The following HS6ST2 variants were observed in gnomAD, a reference collection of about 807,000 sequenced individuals.
The protein encoded by HS6ST2 is heparan sulfate 6-O-sulfotransferase 2.
HS6ST2 carries 17 observed loss-of-function variants against 33.0 expected under a neutral mutation model. The observed-to-expected ratio is 0.52, with a 90% confidence interval of 0.35 to 0.77. The LOEUF (loss-of-function observed/expected upper bound fraction) is 0.77. HS6ST2 is among the 30% of genes least tolerant of loss of function. HS6ST2 has a pLI of 0.01. For synonymous variants in HS6ST2, 248 were observed against 237.1 expected, an observed-to-expected ratio of 1.05 and a Z score of -0.42; for missense variants, 519 against 551.7, an observed-to-expected ratio of 0.94 and a Z score of 0.59.
At chrX:132,715,042 G>A (rs948640754) in intron 2 of HS6ST2, among the ~76,000 whole-genome samples, 30 of 111,878 alleles carry the variant, frequency 2.7e-4, no homozygotes, top group African/African-American at 9.4e-4. Context: ...AAATCATTTC[G>A]GTACCATCCT....
intron 1 of HS6ST2, among the ~76,000 whole-genome samples, chrX:132,957,568 G>C (rs1411660038): frequency 5.5e-5 from 6 of 108,114 alleles, no homozygotes; most frequent in Middle Eastern, 4.7e-3. Context: ...TCCTTCCCGC[G>C]GGCCGTTCGC....
chrX:132,950,828 T>C (rs1210897625), intron 2 of HS6ST2, among the ~76,000 whole-genome samples: 1 of 112,141 alleles, frequency 8.9e-6, no homozygotes, highest in Admixed American at 9.5e-5. Flanking sequence ...GCATATCTTA[T>C]TCTTATGTAA....
chrX:132,704,510 C>T (rs1056849826), intron 3 of HS6ST2, among the ~76,000 whole-genome samples: 5 of 110,537 alleles, frequency 4.5e-5, no homozygotes, highest in African/African-American at 6.6e-5. Context: ...ACTGAGATCG[C>T]GCCATTGAAC....
At chrX:132,713,191 G>A (rs1187670780) in intron 2 of HS6ST2, among the ~76,000 whole-genome samples, 1 of 111,283 alleles carries the variant, frequency 9.0e-6, no homozygotes, top group African/African-American at 3.3e-5. Flanking sequence ...AAACGACATG[G>A]GTAGGTAGGC....
chrX:132,741,417 A>C (rs1321757023), intron 2 of HS6ST2, among the ~76,000 whole-genome samples: 1 of 47,093 alleles, frequency 2.1e-5, no homozygotes, highest in Admixed American at 1.6e-4. Context: ...CTCCTGCCTC[A>C]GCATCCCAAG....
intron 2 of HS6ST2, among the ~76,000 whole-genome samples, chrX:132,827,541 A>C (rs1416137664): frequency 9.0e-6 from 1 of 111,180 alleles, no homozygotes; most frequent in Non-Finnish European, 1.9e-5. Context: ...AAAGAGGCAA[A>C]GAAGAAATGT....
intron 2 of HS6ST2, among the ~76,000 whole-genome samples, chrX:132,856,200 A>G (rs190643433): frequency 2.7e-4 from 30 of 112,292 alleles, no homozygotes; most frequent in African/African-American, 8.7e-4. Context: ...GGTCACTCAC[A>G]GTCAGGAAAT....
intron 2 of HS6ST2, among the ~76,000 whole-genome samples, chrX:132,818,932 G>A (rs2065423138): frequency 8.9e-6 from 1 of 111,825 alleles, no homozygotes; most frequent in Non-Finnish European, 1.9e-5. Flanking sequence ...TTCTATTGCT[G>A]ATTCTGACAG....
intron 2 of HS6ST2, among the ~76,000 whole-genome samples, chrX:132,953,885 A>G (rs1167630875): frequency 8.9e-6 from 1 of 112,352 alleles, no homozygotes; most frequent in Non-Finnish European, 1.9e-5. Context: ...CTTTGTGGGA[A>G]TGACTAACTC....
chrX:132,928,119 C>T (rs1168045681), intron 2 of HS6ST2, among the ~76,000 whole-genome samples: 8 of 95,547 alleles, frequency 8.4e-5, no homozygotes, highest in African/African-American at 2.6e-4. Flanking sequence ...TTGCCACACA[C>T]TTTTTTTTTT....
intron 2 of HS6ST2, among the ~76,000 whole-genome samples, chrX:132,777,222 C>T (rs2064969307): frequency 9.3e-6 from 1 of 107,567 alleles, no homozygotes. Flanking sequence ...GTTGTCTCTT[C>T]AACAGGATTG....
At chrX:132,713,997 C>T (rs1047155838) in intron 2 of HS6ST2, among the ~76,000 whole-genome samples, 6 of 111,922 alleles carry the variant, frequency 5.4e-5, no homozygotes, top group Non-Finnish European at 9.4e-5. Context: ...GATGTGTCCT[C>T]ATATCTTTCC....
chrX:132,928,199 C>A (rs2066729524), intron 2 of HS6ST2, among the ~76,000 whole-genome samples: 1 of 107,461 alleles, frequency 9.3e-6, no homozygotes, highest in African/African-American at 3.4e-5. Context: ...GCTCACTGCA[C>A]CTCCTGGGTT....
Position 132,744,099 on chromosome X carries a change from A to C in HS6ST2, c.948-35605T>G, listed in dbSNP as rs550024173. ...CACCATGCCTGGCCTGCAGCATTCT[A>C]TTTTATAAGAATCATCAATGCTACC... On this transcript the variant is annotated intron_variant, in intron 2 of 4. Transcript: ENST00000370833. Among the ~76,000 whole-genome samples the C allele has an allele frequency of 2.7e-5, 3 of 111,746 alleles. No homozygotes were observed. The South Asian group carries it at 1.1e-3, about 42-fold the overall frequency.
intron 2 of HS6ST2, among the ~76,000 whole-genome samples, chrX:132,821,821 T>C (rs962784306): frequency 9.1e-6 from 1 of 110,388 alleles, no homozygotes; most frequent in Non-Finnish European, 1.9e-5. Context: ...CGAAACCCTA[T>C]CTCTACTAAA....
chrX:132,657,938 C>T (rs1376479191), intron 4 of HS6ST2, among the ~76,000 whole-genome samples: 1 of 108,850 alleles, frequency 9.2e-6, no homozygotes, highest in African/African-American at 3.3e-5. Flanking sequence ...TGAAGATAAA[C>T]ATGCAGACGT....
At chrX:132,872,666 T>A (rs772003605) in intron 2 of HS6ST2, among the ~76,000 whole-genome samples, 2 of 111,873 alleles carry the variant, frequency 1.8e-5, no homozygotes, top group African/African-American at 3.3e-5. Context: ...ACATACAGTG[T>A]TCATAACCAG....
intron 2 of HS6ST2, among the ~76,000 whole-genome samples, chrX:132,812,558 G>T: frequency 1.0e-5 from 1 of 98,948 alleles, no homozygotes; most frequent in African/African-American, 3.9e-5. Context: ...TTTGCTTATT[G>T]GCCATTTGTA....
At chrX:132,873,203 T>C (rs2066080862) in intron 2 of HS6ST2, among the ~76,000 whole-genome samples, 1 of 112,104 alleles carries the variant, frequency 8.9e-6, no homozygotes, top group African/African-American at 3.2e-5. Context: ...CTACTGTAAA[T>C]GCACAGGATC....
Sources: gnomAD v4.1 joint callset for allele counts (sites outside exome capture counted in the v4.1 genomes callset) on GRCh38, gnomAD v4.1.1 for gene constraint, MANE v1.5 for transcripts, NCBI Gene and HGNC (gene_info 2026-07-23, HGNC 2026-07-21) for gene names.